Variants in RPS6KA2 observed in about 807,000 individuals in gnomAD.
RPS6KA2 encodes the protein ribosomal protein S6 kinase alpha-2.
Under a neutral mutation model 91.8 loss-of-function variants are expected in RPS6KA2, and 42 were observed. The ratio of observed to expected loss-of-function variants is 0.46; its 90% CI spans 0.36 to 0.59. The LOEUF is 0.59. RPS6KA2 is among the 20% of genes least tolerant of loss of function. RPS6KA2 has a pLI of 0.00. For missense variants in RPS6KA2, 798 were observed against 978.5 expected, an observed-to-expected ratio of 0.82 and a Z score of 2.46; for synonymous variants, 414 against 393.6, an observed-to-expected ratio of 1.05 and a Z score of -0.61.
chr6:166,516,923 T>C (rs1782665463), intron 3 of RPS6KA2, among the ~76,000 whole-genome samples: 2 of 152,228 alleles, frequency 1.3e-5, no homozygotes, highest in Non-Finnish European at 2.9e-5. Flanking sequence ...GGTAAGAGCA[T>C]CTAAAAATCC....
chr6:166,818,685 G>T (rs1003203187), intron 2 of RPS6KA2, among the ~76,000 whole-genome samples: 3 of 152,096 alleles, frequency 2.0e-5, no homozygotes, highest in Admixed American at 6.6e-5. Flanking sequence ...TTATAATTCC[G>T]TCGTGCCTTT....
At chr6:166,829,824 A>G (rs1384649703) in intron 2 of RPS6KA2, among the ~76,000 whole-genome samples, 4 of 151,932 alleles carry the variant, frequency 2.6e-5, no homozygotes, top group Non-Finnish European at 5.9e-5. Context: ...AAGAAAAGGA[A>G]TTTGTCTGGG....
Position 166,494,968 on chromosome 6 carries a change from T to A in RPS6KA2, c.747+3540A>T, listed in dbSNP as rs757024352. 2.0e-5 allele frequency among the ~76,000 whole-genome samples: 3 copies of A among 152,194 alleles called. No homozygotes were observed. Among genetic ancestry groups the A allele is most frequent in the Non-Finnish European group, 2.9e-5 (2 of 68,044 alleles). On this transcript the variant is annotated intron_variant, in intron 8 of 20. Transcript: ENST00000265678. This position sits in a 1 kb window ranked among gnomAD's most constrained non-coding sequence, Gnocchi z 5.1. ...TCAAAGGTCACCCGAGGCCCATCTC[T>A]TAGCTGCAAATGAGAATTCAGAAGT...
At chr6:166,727,678 A>G (rs995325937) in intron 2 of RPS6KA2, among the ~76,000 whole-genome samples, 1 of 152,050 alleles carries the variant, frequency 6.6e-6, no homozygotes, top group Non-Finnish European at 1.5e-5. Context: ...AAGCACCAGC[A>G]CCCTAAGTCA....
At chr6:166,507,960 CCA>C (rs1360087632) in intron 5 of RPS6KA2, among the ~76,000 whole-genome samples, 8 of 149,622 alleles carry the variant, frequency 5.3e-5, no homozygotes, top group Non-Finnish European at 1.2e-4. Context: ...CATGCAAACC[CCA>C]CACATGCACA....
chr6:166,837,510 A>C (rs1780350604), intron 2 of RPS6KA2, among the ~76,000 whole-genome samples: 2 of 152,150 alleles, frequency 1.3e-5, no homozygotes. Context: ...GTGTCTGTCC[A>C]CCTGAGGGCT....
rs565874640 is a variant in RPS6KA2 at position 166,646,896 on chromosome 6, C to G, written c.124-108112G>C. On this transcript the variant is annotated intron_variant, in intron 2 of 21. Coordinates refer to the RPS6KA2 transcript ENST00000503859. ...GCCGTGGTGGGTGTGGGCCTCTGTG[C>G]GAGCCGCTCCCCTGTGTGCCTTCGG... 3.3e-5 allele frequency among the ~76,000 whole-genome samples: 5 copies of G among 152,120 alleles called. No homozygotes were observed. The East Asian group carries it at 9.7e-4, about 30-fold the overall frequency.
At chr6:166,853,977 T>C (rs1780819910) in intron 2 of RPS6KA2, among the ~76,000 whole-genome samples, 1 of 152,250 alleles carries the variant, frequency 6.6e-6, no homozygotes, top group Non-Finnish European at 1.5e-5. Context: ...ACGACTGTGA[T>C]GTCGCTATAC....
intron 3 of RPS6KA2, among the ~76,000 whole-genome samples, chr6:166,517,445 C>CTTTTTTTTTTTT (rs1782684250): frequency 9.7e-6 from 1 of 102,698 alleles, no homozygotes; most frequent in African/African-American, 4.3e-5. Context: ...TTAAGGCGTT[C>CTTTTTTTTTTTT]TTTTGTTTTG....
rs1790703900 is a variant in RPS6KA2 at position 166,737,581 on chromosome 6, C to CT, written c.123+120618dup. 6.6e-6 allele frequency among the ~76,000 whole-genome samples: 1 copy of CT among 152,148 alleles called. No homozygotes were observed. The highest frequency in any genetic ancestry group is 1.9e-4 in the East Asian group (1 of 5,188). On this transcript the variant is annotated intron_variant, in intron 2 of 21. Transcript: ENST00000503859. This position sits in a 1 kb window ranked among gnomAD's most constrained non-coding sequence, Gnocchi z 4.3. ...ATTGTTCAATTAAAAACAGAATGAG[C>CT]TTTTTCACAGGAAACTACTACTGAC... is the stretch of plus-strand genomic sequence containing the variant.
At chr6:166,808,063 A>G (rs1779537868) in intron 2 of RPS6KA2, among the ~76,000 whole-genome samples, 1 of 151,688 alleles carries the variant, frequency 6.6e-6, no homozygotes, top group Non-Finnish European at 1.5e-5. Context: ...CCTGCAGGGC[A>G]GCACGATGGA....
intron 2 of RPS6KA2, among the ~76,000 whole-genome samples, chr6:166,674,574 G>C (rs1262219291): frequency 6.6e-6 from 1 of 152,200 alleles, no homozygotes; most frequent in African/African-American, 2.4e-5. Flanking sequence ...GGAAATCAAG[G>C]AATGTGTTCA....
At chr6:166,551,965 A>T (rs1318936449) in intron 1 of RPS6KA2, among the ~76,000 whole-genome samples, 3 of 152,234 alleles carry the variant, frequency 2.0e-5, no homozygotes, top group African/African-American at 7.2e-5. Context: ...ACACAGCACA[A>T]TGCCCTTGCA....
At chr6:166,684,615 G>A (rs1206508910) in intron 2 of RPS6KA2, among the ~76,000 whole-genome samples, 4 of 152,072 alleles carry the variant, frequency 2.6e-5, no homozygotes, top group Non-Finnish European at 5.9e-5. Context: ...GGGTCTCACC[G>A]GGTGCAGTCA....
At chr6:166,663,404 G>C (rs963075538) in intron 2 of RPS6KA2, among the ~76,000 whole-genome samples, 4 of 152,114 alleles carry the variant, frequency 2.6e-5, no homozygotes, top group African/African-American at 9.7e-5. Flanking sequence ...CCAGAACCCA[G>C]GCTTTGCACC....
intron 3 of RPS6KA2, among the ~76,000 whole-genome samples, chr6:166,511,379 T>G (rs1782475700): frequency 6.6e-6 from 1 of 152,214 alleles, no homozygotes; most frequent in African/African-American, 2.4e-5. Context: ...CTTCTCTCCC[T>G]CTCCATGAAG....
chr6:166,610,128 CA>C (rs1164422209), intron 1 of RPS6KA2, among the ~76,000 whole-genome samples: 2 of 152,166 alleles, frequency 1.3e-5, no homozygotes, highest in African/African-American at 4.8e-5. Flanking sequence ...TCATGGTAAA[CA>C]GCGTGAGGGA....
intron 1 of RPS6KA2, among the ~76,000 whole-genome samples, chr6:166,577,316 C>T (rs1044029881): frequency 2.6e-5 from 4 of 152,076 alleles, no homozygotes; most frequent in African/African-American, 9.7e-5. Context: ...TCCTCCAGAC[C>T]CCAGAATGGT....
intron 2 of RPS6KA2, among the ~76,000 whole-genome samples, chr6:166,751,024 C>T (rs1219837736): frequency 1.3e-5 from 2 of 152,176 alleles, no homozygotes; most frequent in African/African-American, 2.4e-5. Flanking sequence ...GTGACCGAAG[C>T]TGGCCTCTGC....
Sources: gnomAD v4.1 joint callset for allele counts (sites outside exome capture counted in the v4.1 genomes callset) on GRCh38, gnomAD v4.1.1 for gene constraint, Gnocchi (gnomAD v3.1) non-coding constraint, MANE v1.5 for transcripts, NCBI Gene and HGNC (gene_info 2026-07-23, HGNC 2026-07-21) for gene names.